Variants in BRD9 observed in about 807,000 individuals in gnomAD.
BRD9 encodes bromodomain-containing protein 9.
A neutral mutation model predicts 68.7 loss-of-function variants in BRD9; 47 were observed. The ratio of observed to expected loss-of-function variants is 0.68; its 90% CI spans 0.54 to 0.87. BRD9 has a LOEUF of 0.87. Ranked by LOEUF, BRD9 falls within the 40% of genes least tolerant of loss-of-function variation. The probability of loss-of-function intolerance (pLI) is 0.00; values close to 1 mark genes in which losing one functional copy is unlikely to be tolerated. For missense variants in BRD9, 670 were observed against 748.4 expected, an observed-to-expected ratio of 0.90 and a Z score of 1.22; for synonymous variants, 313 against 293.9, an observed-to-expected ratio of 1.06 and a Z score of -0.67.
chr5:878,218 G>C (rs1359945373), intron 11 of BRD9, 137 bp downstream of exon 11: 1 of 1,287,532 alleles, frequency 7.8e-7, no homozygotes, highest in Non-Finnish European at 1.1e-6. Context: ...TGAAAGCAAC[G>C]GGAAGACCCA....
rs1197182991 is a variant in BRD9 at position 863,805 on chromosome 5, C to T, written c.*663G>A. 2 of 152,328 alleles carry T rather than the reference C, an allele frequency of 1.3e-5. No individual in the cohort carries two copies. Among genetic ancestry groups the T allele is most frequent in the Non-Finnish European group, 2.9e-5 (2 of 68,096 alleles). 9.4% of individuals were successfully genotyped at this position (152,328 alleles called of 1,614,324 possible). On this transcript the variant is annotated 3_prime_UTR_variant, in exon 16 of 16. Coordinates refer to ENST00000467963, the MANE Select transcript of BRD9 (RefSeq NM_023924.5). The stretch of plus-strand genomic sequence containing the variant: ...TGTAACGGGCAGGCAGAACACACTC[C>T]TTTCCCAGGCTCATCAATTAAACAG...
chr5:867,603 G>A (rs951268547), intron 14 of BRD9, among the ~76,000 whole-genome samples: 1 of 152,276 alleles, frequency 6.6e-6, no homozygotes, highest in African/African-American at 2.4e-5. Flanking sequence ...GCCTGGATGT[G>A]AGACAAGGAA....
chr5:886,857 G>A (rs531337837), intron 6 of BRD9, 150 bp from the exon 7 acceptor site: 5 of 1,342,108 alleles, frequency 3.7e-6, no homozygotes, highest in East Asian at 4.9e-5. Flanking sequence ...GATGGTCACA[G>A]CCTCACCTGG....
At chr5:884,316 G>A (rs1363375817) in intron 7 of BRD9, among the ~76,000 whole-genome samples, 1 of 152,188 alleles carries the variant, frequency 6.6e-6, no homozygotes, top group Non-Finnish European at 1.5e-5. Flanking sequence ...ATTTTTCAAC[G>A]CAGTGCAAAC....
In BRD9 at chr5:864,091, A is replaced by G. The variant is rs73730993; in HGVS notation, c.*377T>C. On this transcript the variant is annotated 3_prime_UTR_variant, in exon 16 of 16. Coordinates refer to ENST00000467963, the MANE Select transcript of BRD9 (RefSeq NM_023924.5). The stretch of plus-strand genomic sequence containing the variant: ...GGACACAAACGGCACGCAGCTCTGC[A>G]GCCTGGCCACACACCCTTCGCGTAT... 0.035 allele frequency: 5,758 copies of G among 164,392 alleles called. 335 individuals carry two copies. Among genetic ancestry groups the G allele is most frequent in the African/African-American group, 0.13 (5,265 of 41,728 alleles). The allele number at this position is 164,392 out of a possible 1,614,324, so 10.2% of individuals were successfully genotyped here.
Position 876,092 on chromosome 5 carries a change from G to A in BRD9, c.1383+9C>T, listed in dbSNP as rs1224480073. 7 of 1,600,638 alleles carry A rather than the reference G, an allele frequency of 4.4e-6. No individual in the cohort carries two copies. In the South Asian group the frequency reaches 6.6e-5, roughly 15 times the overall value. ...CCTGCCCCCCAACCCCGGTGCGAGTGCAGCCCACCTGCTTCAGCTGGAAGA... is the reference window on the plus strand; with the variant it reads ...CCTGCCCCCCAACCCCGGTGCGAGTACAGCCCACCTGCTTCAGCTGGAAGA... On this transcript the variant is annotated intron_variant, in intron 12 of 15. Transcript: ENST00000467963.
intron 2 of BRD9, 167 bp downstream of exon 2, chr5:891,473 G>C (rs1753388057): frequency 1.5e-6 from 2 of 1,324,080 alleles, no homozygotes; most frequent in South Asian, 3.1e-5. Flanking sequence ...AGCACACCCA[G>C]GATCCTGGAA....
chr5:883,776 A>G, intron 8 of BRD9, 162 bp downstream of exon 8: 1 of 1,020,358 alleles, frequency 9.8e-7, no homozygotes, highest in Non-Finnish European at 1.4e-6. Context: ...GACTGAAGAG[A>G]CCAGCCTTAT....
intron 7 of BRD9, 29 bp from the exon 8 acceptor site, chr5:884,099 G>A (rs1256214823): frequency 6.2e-7 from 1 of 1,606,008 alleles, no homozygotes; most frequent in Non-Finnish European, 8.5e-7. Context: ...CAAGTCACCT[G>A]GAGGCAGCGT....
At chr5:865,291 A>G (rs2150545057) in intron 15 of BRD9, 123 bp downstream of exon 15, 1 of 1,315,678 alleles carries the variant, frequency 7.6e-7, no homozygotes, top group Non-Finnish European at 1.0e-6. Flanking sequence ...CCTCCACAAC[A>G]GCACCGCTGC....
In BRD9 at chr5:889,468, C is replaced by G. The variant is rs1443572529; in HGVS notation, c.461+119G>C. ...GCACCCCGAAGTGGACTGGGAGTCA[C>G]CAAGAGAAGGTGCAGGGTCTGTTTC... On this transcript the variant is annotated intron_variant, in intron 4 of 15. Coordinates refer to ENST00000467963, the MANE Select transcript of BRD9 (RefSeq NM_023924.5). The G allele has an allele frequency of 1.2e-5, 14 of 1,136,948 alleles. No individual in the cohort carries two copies. The East Asian group carries it at 3.6e-4, about 29-fold the overall frequency. 70.4% of individuals were successfully genotyped at this position (1,136,948 alleles called of 1,614,324 possible).
intron 5 of BRD9, among the ~76,000 whole-genome samples, chr5:887,804 T>C (rs1191793893): frequency 6.6e-6 from 1 of 152,186 alleles, no homozygotes; most frequent in Non-Finnish European, 1.5e-5. Flanking sequence ...AACGACCCGA[T>C]TCTTTCAAGT....
Position 864,477 on chromosome 5 carries a change from G to A in BRD9, c.1785C>T (p.Ala595=). ...TGAAGGTGGTCTAGAGTTAGGTCTT[G>A]GCAGAGGCCGCAGGCTCTGGAGACT... is the stretch of plus-strand genomic sequence containing the variant. ...FLQSPEPAAS[A]KT Residue 595 remains alanine (A), a synonymous_variant, in exon 16 of 16, where the codon GCC becomes GCT. Transcript: ENST00000467963. The A allele has an allele frequency of 6.2e-7, 1 of 1,611,900 alleles. No homozygotes were observed.
At chr5:892,563 C>G (rs1010126964) in intron 1 of BRD9, 43 bp downstream of exon 1, 1 of 1,530,582 alleles carries the variant, frequency 6.5e-7, no homozygotes, top group African/African-American at 1.4e-5. Flanking sequence ...CCCCCGTGCC[C>G]GGGACCCCGC....
intron 6 of BRD9, 38 bp from the exon 7 acceptor site, chr5:886,745 C>A (rs1268466988): frequency 6.2e-7 from 1 of 1,613,334 alleles, no homozygotes; most frequent in East Asian, 2.2e-5. Flanking sequence ...CGACATGCTG[C>A]GCTTCAAAGC....
intron 5 of BRD9, chr5:888,104 G>A (rs1156758399): frequency 6.4e-6 from 1 of 155,580 alleles, no homozygotes; most frequent in Non-Finnish European, 1.4e-5. Context: ...CTGAGAACGT[G>A]CCATCTGGAC....
At chr5:888,064 G>A (rs576991163) in intron 5 of BRD9, among the ~76,000 whole-genome samples, 3 of 152,346 alleles carry the variant, frequency 2.0e-5, no homozygotes, top group African/African-American at 7.2e-5. Context: ...CGTCAGGCTG[G>A]AGCATGACCC....
intron 12 of BRD9, 28 bp from the exon 13 acceptor site, chr5:871,592 G>C (rs1315473768): frequency 3.7e-6 from 6 of 1,606,234 alleles, no homozygotes; most frequent in Middle Eastern, 1.7e-4. Context: ...ACAGAAACTA[G>C]TTTTTCCAGA....
chr5:883,282 T>C (rs1047674253), intron 8 of BRD9: 8 of 454,676 alleles, frequency 1.8e-5, no homozygotes, highest in Non-Finnish European at 3.5e-5. Flanking sequence ...TAACGTTTTC[T>C]ACAGACTACA....
Sources: gnomAD v4.1 joint callset for allele counts (sites outside exome capture counted in the v4.1 genomes callset) on GRCh38, gnomAD v4.1.1 for gene constraint, MANE v1.5 for transcripts, NCBI Gene and HGNC (gene_info 2026-07-23, HGNC 2026-07-21) for gene names.